Variants in PKP2 observed in about 807,000 individuals in gnomAD.
PKP2 encodes plakophilin 2, also known as plakophilin-2.
In PKP2, 73 loss-of-function variants were observed where a neutral mutation model predicts 83.4. The ratio of observed to expected loss-of-function variants is 0.88; its 90% CI spans 0.72 to 1.06. The LOEUF is 1.06. PKP2 is among the 50% of genes least tolerant of loss of function. PKP2 has a pLI of 0.00. For synonymous variants in PKP2, 409 were observed against 430.4 expected (o/e 0.95, Z 0.62); for missense variants, 966 against 1,065.4 (o/e 0.91, Z 1.30).
At chr12:32,834,950 A>G (rs1244012618) in intron 6 of PKP2, among the ~76,000 whole-genome samples, 1 of 142,598 alleles carries the variant, frequency 7.0e-6, no homozygotes, top group African/African-American at 2.6e-5. Context: ...CACTAAATTA[A>G]AAAAAAAAAA....
chr12:32,825,000 A>G (rs760630080), intron 6 of PKP2, among the ~76,000 whole-genome samples: 1 of 152,112 alleles, frequency 6.6e-6, no homozygotes, highest in Non-Finnish European at 1.5e-5. Flanking sequence ...TCTTACTAGC[A>G]TTAACTACTT....
chr12:32,875,101 T>C (rs1277359998), intron 3 of PKP2, among the ~76,000 whole-genome samples: 1 of 152,194 alleles, frequency 6.6e-6, no homozygotes, highest in East Asian at 1.9e-4. Context: ...TTTAGGGTGC[T>C]GAGAATATAA....
At chr12:32,872,188 G>A (rs191195486) in intron 3 of PKP2, among the ~76,000 whole-genome samples, 69 of 152,270 alleles carry the variant, frequency 4.5e-4, no homozygotes, top group South Asian at 1.4e-3. Flanking sequence ...AGAGAAAGCA[G>A]TGTAAACTAC....
Position 32,878,933 on chromosome 12 carries a change from T to C in PKP2, c.323A>G (p.Tyr108Cys), listed in dbSNP as rs953684652. ...TTGATATCCTACCTTTAGCATGTCA[T>C]AGGTTTTAGGAACAGGGGAACGGCC... is the stretch of plus-strand genomic sequence containing the variant. ...VGGRSPVPKT[Y>C]DMLKAGTTAT... Residue 108 changes from tyrosine to cysteine, a missense_variant, in exon 2 of 13, where the codon TAT (tyrosine) becomes TGT (cysteine). Tyr to Cys is a radical substitution (Grantham distance 194). Transcript: ENST00000340811. 1.3e-6 allele frequency: 2 copies of C among 1,563,398 alleles called. No homozygotes were observed. The highest frequency in any genetic ancestry group is 1.8e-6 in the Non-Finnish European group (2 of 1,135,494).
chr12:32,803,481 T>C (rs1268830666), intron 9 of PKP2, among the ~76,000 whole-genome samples: 1 of 152,256 alleles, frequency 6.6e-6, no homozygotes, highest in Non-Finnish European at 1.5e-5. Flanking sequence ...TTTCCTTTTC[T>C]TGTACTACCC....
At chr12:32,887,894 T>A (rs1487934583) in intron 1 of PKP2, among the ~76,000 whole-genome samples, 2 of 152,164 alleles carry the variant, frequency 1.3e-5, no homozygotes, top group East Asian at 3.9e-4. Context: ...TCTGTTCATT[T>A]CTCAGCCAGG....
chr12:32,828,385 A>G (rs1055125846), intron 6 of PKP2, among the ~76,000 whole-genome samples: 49 of 152,350 alleles, frequency 3.2e-4, no homozygotes, highest in African/African-American at 1.2e-3. Flanking sequence ...GGTTGAGATT[A>G]ATGACAGTGT....
In PKP2 at chr12:32,837,247, A is replaced by G. The variant is rs967815952; in HGVS notation, c.1556+3781T>C. Among the ~76,000 whole-genome samples the G allele has an allele frequency of 3.3e-5, 5 of 152,352 alleles. No homozygotes were observed. In the East Asian group the frequency reaches 7.7e-4, roughly 24 times the overall value. ...GTGGACATGTGACAAATACTAATGTATCTAGCATACTGACTAAGACCTTCG... is the reference window on the plus strand; with the variant it reads ...GTGGACATGTGACAAATACTAATGTGTCTAGCATACTGACTAAGACCTTCG... On this transcript the variant is annotated intron_variant, in intron 6 of 12. Coordinates refer to ENST00000340811, the MANE Select transcript of PKP2 (RefSeq NM_001005242.3).
intron 8 of PKP2, among the ~76,000 whole-genome samples, chr12:32,822,034 T>C (rs1565580738): frequency 6.6e-6 from 1 of 152,214 alleles, no homozygotes; most frequent in Non-Finnish European, 1.5e-5. Context: ...TTCCTTCCTA[T>C]GAGGTTTGCT....
intron 5 of PKP2, among the ~76,000 whole-genome samples, chr12:32,850,327 G>A (rs1214794575): frequency 6.6e-6 from 1 of 152,116 alleles, no homozygotes; most frequent in South Asian, 2.1e-4. Flanking sequence ...GCCGAGGCGG[G>A]CGGATCACAA....
chr12:32,874,574 C>G (rs1471231812), intron 3 of PKP2, among the ~76,000 whole-genome samples: 1 of 152,078 alleles, frequency 6.6e-6, no homozygotes, highest in African/African-American at 2.4e-5. Flanking sequence ...TCCTTCTACT[C>G]TTGGAAATAT....
chr12:32,876,664 G>A (rs1175156651), intron 3 of PKP2, among the ~76,000 whole-genome samples: 1 of 152,034 alleles, frequency 6.6e-6, no homozygotes, highest in African/African-American at 2.4e-5. Context: ...CGAGTAGTTA[G>A]GACCACACGT....
chr12:32,841,415 T>C (rs1358525541), intron 5 of PKP2, among the ~76,000 whole-genome samples: 1 of 152,168 alleles, frequency 6.6e-6, no homozygotes, highest in Admixed American at 6.5e-5. Flanking sequence ...AATAAATACA[T>C]GGCTTAGGCT....
chr12:32,824,858 G>GAA (rs1956420850), intron 6 of PKP2, among the ~76,000 whole-genome samples: 2 of 152,064 alleles, frequency 1.3e-5, no homozygotes, highest in African/African-American at 4.8e-5. Flanking sequence ...CCTATAATTG[G>GAA]AAGTTGTTTA....
chr12:32,795,496 T>C (rs141872385), intron 11 of PKP2, among the ~76,000 whole-genome samples: 301 of 151,834 alleles, frequency 2.0e-3, no homozygotes, highest in African/African-American at 7.0e-3. Context: ...TTCTCAAACC[T>C]CAGTCTTCCA....
chr12:32,845,199 T>C (rs574817356), intron 5 of PKP2, among the ~76,000 whole-genome samples: 97 of 152,340 alleles, frequency 6.4e-4, no homozygotes, highest in African/African-American at 2.3e-3. Context: ...CCAACCGTGA[T>C]GTTTGTAAAA....
chr12:32,856,423 G>A (rs1266229500), intron 4 of PKP2, among the ~76,000 whole-genome samples: 3 of 152,070 alleles, frequency 2.0e-5, no homozygotes, highest in Non-Finnish European at 4.4e-5. Context: ...AGTAGGGAGG[G>A]AAAGATGTGG....
chr12:32,822,422 C>A, intron 8 of PKP2, 45 bp downstream of exon 8: 1 of 1,524,944 alleles, frequency 6.6e-7, no homozygotes, highest in South Asian at 1.1e-5. Flanking sequence ...CACACTCTCT[C>A]TCATTCTCTC....
Position 32,792,141 on chromosome 12 carries a change from C to T in PKP2, c.*283G>A, listed in dbSNP as rs1592724201. ...ATTTATTGGATTAATGTCCCTTCCA[C>T]ATGAATTCACATTTTGATTCCAGGA... is the stretch of plus-strand genomic sequence containing the variant. On this transcript the variant is annotated 3_prime_UTR_variant, in exon 13 of 13. Coordinates refer to ENST00000340811, the MANE Select transcript of PKP2 (RefSeq NM_001005242.3). 6.4e-6 allele frequency: 3 copies of T among 467,982 alleles called. No individual in the cohort carries two copies. 29.0% of individuals were successfully genotyped at this position (467,982 alleles called of 1,614,324 possible).
Sources: allele counts gnomAD v4.1 joint callset (sites outside exome capture counted in the v4.1 genomes callset), GRCh38; gene constraint gnomAD v4.1.1; transcripts MANE v1.5; gene names NCBI Gene and HGNC (gene_info 2026-07-23, HGNC 2026-07-21).